The following GALNT18 variants were observed in gnomAD, a reference collection of about 807,000 sequenced individuals.
GALNT18 encodes the protein GalNAc-transferase 18.
In GALNT18, 44 loss-of-function variants were observed where a neutral mutation model predicts 69.5. That is an observed-to-expected ratio of 0.63 (90% confidence interval 0.50 to 0.81). GALNT18 has a LOEUF of 0.81. Among genes scored for constraint, GALNT18 ranks in the 40% least tolerant of loss-of-function variants. GALNT18 has a pLI of 0.00. For synonymous variants in GALNT18, 364 were observed against 318.2 expected (o/e 1.14, Z -1.53); for missense variants, 715 against 810.0 (o/e 0.88, Z 1.42).
intron 2 of GALNT18, among the ~76,000 whole-genome samples, chr11:11,441,507 A>G (rs1855530898): frequency 6.6e-6 from 1 of 152,184 alleles, no homozygotes; most frequent in South Asian, 2.1e-4. Flanking sequence ...GACCCCAGTA[A>G]AAATACCGGC....
In GALNT18 at chr11:11,467,582, G is replaced by A. The variant is rs572840603; in HGVS notation, c.236-18646C>T. Among the ~76,000 whole-genome samples, 12 of 152,282 alleles carry A rather than the reference G, an allele frequency of 7.9e-5. No individual in the cohort carries two copies. In the South Asian group the frequency reaches 2.3e-3, roughly 29 times the overall value. On this transcript the variant is annotated intron_variant, in intron 1 of 10. Coordinates refer to ENST00000227756, the MANE Select transcript of GALNT18 (RefSeq NM_198516.3). Reference sequence around the variant, plus strand: ...GGGTTGGAATCAGCCCAGGAGACACGCCCACACGCTCATGCATTGTGCACA... The same window carrying A: ...GGGTTGGAATCAGCCCAGGAGACACACCCACACGCTCATGCATTGTGCACA...
intron 1 of GALNT18, among the ~76,000 whole-genome samples, chr11:11,479,039 ACTGTC>A (rs1212566349): frequency 6.6e-6 from 1 of 151,972 alleles, no homozygotes; most frequent in Non-Finnish European, 1.5e-5. Flanking sequence ...CTCTGGAAAA[ACTGTC>A]CATGCCCTTG....
chr11:11,306,723 T>C (rs369955011), intron 9 of GALNT18, among the ~76,000 whole-genome samples: 1 of 152,348 alleles, frequency 6.6e-6, no homozygotes, highest in East Asian at 1.9e-4. Flanking sequence ...AAAGTGAACA[T>C]GATGAGGCAT....
intron 6 of GALNT18, among the ~76,000 whole-genome samples, chr11:11,346,850 G>A (rs1006208433): frequency 1.3e-5 from 2 of 152,148 alleles, no homozygotes; most frequent in African/African-American, 4.8e-5. Flanking sequence ...AAGCATGGAG[G>A]TCTTAGGGGC....
intron 9 of GALNT18, among the ~76,000 whole-genome samples, chr11:11,304,085 A>T (rs996582657): frequency 1.3e-5 from 2 of 152,138 alleles, no homozygotes; most frequent in African/African-American, 4.8e-5. Flanking sequence ...CCAGGAATTT[A>T]AAACCTGAAA....
chr11:11,517,168 A>G (rs1857298048), intron 1 of GALNT18, among the ~76,000 whole-genome samples: 1 of 152,224 alleles, frequency 6.6e-6, no homozygotes, highest in South Asian at 2.1e-4. Flanking sequence ...CCAGAACTAT[A>G]AAAAACAAAT....
rs1857946363 is a variant in GALNT18 at position 11,542,255 on chromosome 11, G to T, written c.235+79104C>A. ...GGAACAGCCTGTCATCTCACTCAGAGCTCCCCTCCTTGTAGATCTAGCCTT... is the reference window on the plus strand; with the variant it reads ...GGAACAGCCTGTCATCTCACTCAGATCTCCCCTCCTTGTAGATCTAGCCTT... On this transcript the variant is annotated intron_variant, in intron 1 of 10. Transcript: ENST00000227756. This position sits in a 1 kb window ranked among gnomAD's most constrained non-coding sequence, Gnocchi z 4.3. Among the ~76,000 whole-genome samples the T allele has an allele frequency of 6.6e-6, 1 of 152,098 alleles. No individual in the cohort carries two copies. The highest frequency in any genetic ancestry group is 2.4e-5 in the African/African-American group (1 of 41,410).
intron 1 of GALNT18, among the ~76,000 whole-genome samples, chr11:11,569,078 C>A (rs1858721206): frequency 6.6e-6 from 1 of 152,180 alleles, no homozygotes; most frequent in African/African-American, 2.4e-5. Flanking sequence ...TGGCCACCCA[C>A]TTCCTTGCCA....
At position 11,591,033 on chromosome 11, in the gene GALNT18, T is replaced by C. The variant is rs560547164; in HGVS notation, c.235+30326A>G. Among the ~76,000 whole-genome samples the C allele has an allele frequency of 1.6e-4, 25 of 152,308 alleles. No individual in the cohort carries two copies. The highest frequency in any genetic ancestry group is 1.0e-3 in the South Asian group (5 of 4,822). On this transcript the variant is annotated intron_variant, in intron 1 of 10. Transcript: ENST00000227756. This position sits in a 1 kb window ranked among gnomAD's most constrained non-coding sequence, Gnocchi z 4.8. ...AGTCTCAGGTAGGTCCTTCCTGAGA[T>C]ATTCCAGAAGAAGGCATTATCATCA...
intron 1 of GALNT18, among the ~76,000 whole-genome samples, chr11:11,489,355 G>A (rs888746754): frequency 2.0e-5 from 3 of 152,182 alleles, no homozygotes; most frequent in African/African-American, 7.2e-5. Context: ...ACGGTGCTAG[G>A]AGAGGACTAG....
intron 1 of GALNT18, among the ~76,000 whole-genome samples, chr11:11,457,561 G>A (rs371689560): frequency 1.3e-5 from 2 of 152,196 alleles, no homozygotes; most frequent in African/African-American, 2.4e-5. Context: ...AGGTTGGGCC[G>A]CAGGAATGGT....
chr11:11,419,442 C>T (rs1397292448), intron 3 of GALNT18, among the ~76,000 whole-genome samples: 5 of 151,268 alleles, frequency 3.3e-5, no homozygotes, highest in Non-Finnish European at 7.4e-5. Context: ...ACTAAAAATA[C>T]AAAAATTAGC....
intron 1 of GALNT18, among the ~76,000 whole-genome samples, chr11:11,529,389 T>G (rs918053792): frequency 2.0e-5 from 3 of 152,188 alleles, no homozygotes; most frequent in Non-Finnish European, 2.9e-5. Context: ...CCTGACTGTT[T>G]GGGCTGGAAC....
In GALNT18 at chr11:11,558,772, T is replaced by C. The variant is rs370452137; in HGVS notation, c.235+62587A>G. Among the ~76,000 whole-genome samples, 103 of 152,374 alleles carry C rather than the reference T, an allele frequency of 6.8e-4. 1 individual carries two copies. Among genetic ancestry groups the C allele is most frequent in the African/African-American group, 2.4e-3 (99 of 41,592 alleles). On this transcript the variant is annotated intron_variant, in intron 1 of 10. Coordinates refer to ENST00000227756, the MANE Select transcript of GALNT18 (RefSeq NM_198516.3). ...TGGCAACCCTTCCTGCCTCTTCATC[T>C]TGGGTCTCAGAGAGTAAGAGCTTAG...
chr11:11,336,007 A>G (rs997312861), intron 7 of GALNT18, among the ~76,000 whole-genome samples: 1 of 152,216 alleles, frequency 6.6e-6, no homozygotes, highest in Non-Finnish European at 1.5e-5. Context: ...AAACAAATAT[A>G]TTAACTTAGC....
At chr11:11,400,717 C>T (rs1056748955) in intron 3 of GALNT18, among the ~76,000 whole-genome samples, 5 of 151,874 alleles carry the variant, frequency 3.3e-5, no homozygotes, top group African/African-American at 9.7e-5. Context: ...CACTTTGTTT[C>T]CATTCTTAAA....
At chr11:11,446,807 G>A (rs1216061196) in intron 2 of GALNT18, among the ~76,000 whole-genome samples, 1 of 152,152 alleles carries the variant, frequency 6.6e-6, no homozygotes, top group Non-Finnish European at 1.5e-5. Context: ...CCCTTCCCAT[G>A]GATCTCTGTC....
rs12575467 is a variant in GALNT18 at position 11,605,517 on chromosome 11, G to T, written c.235+15842C>A. On this transcript the variant is annotated intron_variant, in intron 1 of 10. Transcript: ENST00000227756. The surrounding 1 kb of genome is among the most constrained non-coding windows in gnomAD (Gnocchi z 4.7). ...CTCACAGACCTCGGGGTGAACAGGA[G>T]GCCCTCTGTTTCTGCTTCAGAGGGA... Among the ~76,000 whole-genome samples, 4 of 152,288 alleles carry T rather than the reference G, an allele frequency of 2.6e-5. No homozygotes were observed. The East Asian group carries it at 7.7e-4, about 29-fold the overall frequency.
At chr11:11,388,048 C>T (rs553755703) in intron 3 of GALNT18, among the ~76,000 whole-genome samples, 4 of 152,318 alleles carry the variant, frequency 2.6e-5, no homozygotes, top group East Asian at 1.9e-4. Flanking sequence ...TTTGGAATGG[C>T]CTTAAATAGT....
Sources: allele counts gnomAD v4.1 joint callset (sites outside exome capture counted in the v4.1 genomes callset), GRCh38; gene constraint gnomAD v4.1.1; non-coding constraint Gnocchi (gnomAD v3.1); transcripts MANE v1.5; gene names NCBI Gene and HGNC (gene_info 2026-07-23, HGNC 2026-07-21).